HCFC2: variants seen among roughly 807,000 people sequenced by gnomAD.
HCFC2 encodes the protein host cell factor 2.
Under a neutral mutation model 89.2 loss-of-function variants are expected in HCFC2, and 18 were observed. The ratio of observed to expected loss-of-function variants is 0.20; its 90% CI spans 0.14 to 0.30. The LOEUF (loss-of-function observed/expected upper bound fraction) is 0.30. Among genes scored for constraint, HCFC2 ranks in the 10% least tolerant of loss-of-function variants. The probability of loss-of-function intolerance (pLI) is 1.00; values close to 1 mark genes in which losing one functional copy is unlikely to be tolerated. For synonymous variants in HCFC2, 308 were observed against 335.7 expected (o/e 0.92, Z 0.90); for missense variants, 578 against 956.1 (o/e 0.60, Z 5.21).
In HCFC2 at chr12:104,089,447, C is replaced by T. The variant is rs192201733; in HGVS notation, c.1284+1409C>T. ...AGGAGAATGGTGTGAACCCAAGAGA[C>T]GGAGCTTGTAGTGAGCCGAGATTGT... is the stretch of plus-strand genomic sequence containing the variant. On this transcript the variant is annotated intron_variant, in intron 9 of 14. Coordinates refer to ENST00000229330, the MANE Select transcript of HCFC2 (RefSeq NM_013320.3). 8.7e-4 allele frequency among the ~76,000 whole-genome samples: 132 copies of T among 152,212 alleles called. 2 individuals carry two copies. The highest frequency in any genetic ancestry group is 3.1e-3 in the African/African-American group (128 of 41,536).
intron 13 of HCFC2, among the ~76,000 whole-genome samples, chr12:104,101,433 C>T (rs974157817): frequency 1.3e-5 from 2 of 150,820 alleles, no homozygotes; most frequent in African/African-American, 2.4e-5. Flanking sequence ...TGCAGTGAGC[C>T]GATTGTGCCA....
At chr12:104,093,902 C>A (rs968380138) in intron 10 of HCFC2, among the ~76,000 whole-genome samples, 1 of 151,696 alleles carries the variant, frequency 6.6e-6, no homozygotes, top group Non-Finnish European at 1.5e-5. Context: ...GTGGCTGACT[C>A]CAGGAGATAC....
chr12:104,097,724 C>G, intron 12 of HCFC2: 3 of 715,682 alleles, frequency 4.2e-6, no homozygotes, highest in Non-Finnish European at 5.1e-6. Flanking sequence ...ATTCACTTAC[C>G]ACTAAAAGTA....
At chr12:104,081,974 A>G (rs1452659985) in intron 5 of HCFC2, among the ~76,000 whole-genome samples, 3 of 152,094 alleles carry the variant, frequency 2.0e-5, no homozygotes, top group African/African-American at 4.8e-5. Context: ...CATCAGGTCA[A>G]ATGGGCCCTG....
At chr12:104,076,691 C>T in intron 3 of HCFC2, among the ~76,000 whole-genome samples, 1 of 151,934 alleles carries the variant, frequency 6.6e-6, no homozygotes, top group Admixed American at 6.6e-5. Flanking sequence ...TATTTTGTTT[C>T]CTCTGCATTC....
rs533620097 is a variant in HCFC2 at position 104,066,434 on chromosome 12, G to A, written c.312+119G>A. On this transcript the variant is annotated intron_variant, in intron 2 of 14. Coordinates refer to ENST00000229330, the MANE Select transcript of HCFC2 (RefSeq NM_013320.3). Reference sequence around the variant, plus strand: ...CACATTTTAATATTATTCAAGTAATGTATTATTCAAGTAAACTATTATTCA... The same window carrying A: ...CACATTTTAATATTATTCAAGTAATATATTATTCAAGTAAACTATTATTCA... 7.6e-5 allele frequency: 52 copies of A among 683,296 alleles called. No homozygotes were observed. The East Asian group carries it at 1.7e-3, about 22-fold the overall frequency. The allele number at this position is 683,296 out of a possible 1,614,324, so 42.3% of individuals were successfully genotyped here. A position where few individuals can be genotyped will look rare whatever the true frequency, so the allele number is the denominator to read the frequency against.
intron 7 of HCFC2, among the ~76,000 whole-genome samples, chr12:104,083,612 GTAA>G (rs1460893220): frequency 3.3e-5 from 5 of 152,090 alleles, no homozygotes; most frequent in African/African-American, 1.2e-4. Context: ...AACAAATGTG[GTAA>G]TATTAGGGGA....
At position 104,102,945 on chromosome 12, in the gene HCFC2, C is replaced by T; in HGVS notation, c.2065-14C>T. On this transcript the variant is annotated splice_polypyrimidine_tract_variant and intron_variant, in intron 14 of 14. Transcript: ENST00000229330. Reference sequence around the variant, plus strand: ...TTAAGAACCTTTAACCTGTTTTTTCCCCCCCCCTTCAAGAATGTTGAAGGT... The same window carrying T: ...TTAAGAACCTTTAACCTGTTTTTTCTCCCCCCCTTCAAGAATGTTGAAGGT... 1.3e-6 allele frequency: 2 copies of T among 1,573,298 alleles called. No homozygotes were observed. Among genetic ancestry groups the T allele is most frequent in the Non-Finnish European group, 1.7e-6 (2 of 1,154,120 alleles).
chr12:104,081,904 CAAAAAA>C (rs761929991), intron 5 of HCFC2, among the ~76,000 whole-genome samples: 12 of 62,558 alleles, frequency 1.9e-4, no homozygotes, highest in Non-Finnish European at 3.1e-4. Context: ...GATCCTGTCT[CAAAAAA>C]AAAAAAAAAA....
At chr12:104,097,263 T>C (rs553224256) in intron 12 of HCFC2, among the ~76,000 whole-genome samples, 1 of 152,296 alleles carries the variant, frequency 6.6e-6, no homozygotes, top group East Asian at 1.9e-4. Context: ...TTATGGGTTA[T>C]GACCATATAT....
intron 3 of HCFC2, among the ~76,000 whole-genome samples, chr12:104,078,092 G>A (rs571364827): frequency 4.5e-4 from 68 of 152,086 alleles, no homozygotes; most frequent in Middle Eastern, 6.8e-3. Flanking sequence ...TCTGCCTCCC[G>A]GGTTCATGCC....
intron 3 of HCFC2, among the ~76,000 whole-genome samples, chr12:104,073,485 G>T (rs1324170437): frequency 6.6e-6 from 1 of 151,800 alleles, no homozygotes; most frequent in African/African-American, 2.4e-5. Context: ...TTTAAAAAGG[G>T]TTTTCTGTTT....
intron 3 of HCFC2, among the ~76,000 whole-genome samples, chr12:104,072,754 T>A (rs1429999904): frequency 2.6e-5 from 4 of 152,028 alleles, no homozygotes. Flanking sequence ...GCCATTCTCC[T>A]GCCTCAGCCT....
At chr12:104,087,222 T>C (rs1207364932) in intron 8 of HCFC2, among the ~76,000 whole-genome samples, 1 of 151,398 alleles carries the variant, frequency 6.6e-6, no homozygotes, top group East Asian at 1.9e-4. Context: ...GGTATGGTGG[T>C]GCATACCTGT....
At chr12:104,092,473 A>G (rs1293777076) in intron 9 of HCFC2, among the ~76,000 whole-genome samples, 1 of 152,074 alleles carries the variant, frequency 6.6e-6, no homozygotes, top group Non-Finnish European at 1.5e-5. Context: ...AAAAATAAAA[A>G]TAAAAATAAT....
Position 104,103,299 on chromosome 12 carries a change from T to A in HCFC2, c.*26T>A. On this transcript the variant is annotated 3_prime_UTR_variant, in exon 15 of 15. Coordinates refer to ENST00000229330, the MANE Select transcript of HCFC2 (RefSeq NM_013320.3). ...ATTGGTTTTTTTACTGAAGCTATTG[T>A]GATGATGATTATTTATTAGTAACTG... 1 of 1,545,446 alleles carries A rather than the reference T, an allele frequency of 6.5e-7. No individual in the cohort carries two copies. The highest frequency in any genetic ancestry group is 1.2e-5 in the South Asian group (1 of 85,718).
chr12:104,094,231 T>G (rs1326187803), intron 10 of HCFC2, among the ~76,000 whole-genome samples: 2 of 152,182 alleles, frequency 1.3e-5, no homozygotes, highest in South Asian at 2.1e-4. Flanking sequence ...TAGAAGGCAG[T>G]ACTAGGCTAG....
At position 104,068,117 on chromosome 12, in the gene HCFC2, C is replaced by T. The variant is rs952767886; in HGVS notation, c.473+10C>T. On this transcript the variant is annotated intron_variant, in intron 3 of 14. Transcript: ENST00000229330. This position sits in a 1 kb window ranked among gnomAD's most constrained non-coding sequence, Gnocchi z 4.1. ...ACAATAATGTTCCCAGGTATGCTGACTCTTTCAGACCAAATGCTTATTTTA... is the reference window on the plus strand; with the variant it reads ...ACAATAATGTTCCCAGGTATGCTGATTCTTTCAGACCAAATGCTTATTTTA... 1 of 1,558,114 alleles carries T rather than the reference C, an allele frequency of 6.4e-7. No individual in the cohort carries two copies. Among genetic ancestry groups the T allele is most frequent in the Non-Finnish European group, 8.6e-7 (1 of 1,158,164 alleles).
In HCFC2 at chr12:104,103,356, C is replaced by T; in HGVS notation, c.*83C>T. Reference sequence around the variant, plus strand: ...AAGATTTGTCATTTAAAAGAGTATTCTCTGGCTGTATTTCCAGCAGTTATG... The same window carrying T: ...AAGATTTGTCATTTAAAAGAGTATTTTCTGGCTGTATTTCCAGCAGTTATG... On this transcript the variant is annotated 3_prime_UTR_variant, in exon 15 of 15. Coordinates refer to ENST00000229330, the MANE Select transcript of HCFC2 (RefSeq NM_013320.3). The T allele has an allele frequency of 8.7e-7, 1 of 1,150,806 alleles. No homozygotes were observed. Among genetic ancestry groups the T allele is most frequent in the Non-Finnish European group, 1.2e-6 (1 of 812,190 alleles). 71.3% of individuals were successfully genotyped at this position (1,150,806 alleles called of 1,614,324 possible).
Sources: gnomAD v4.1 joint callset for allele counts (sites outside exome capture counted in the v4.1 genomes callset) on GRCh38, gnomAD v4.1.1 for gene constraint, Gnocchi (gnomAD v3.1) non-coding constraint, MANE v1.5 for transcripts, NCBI Gene and HGNC (gene_info 2026-07-23, HGNC 2026-07-21) for gene names.